Variants in TTLL9 observed in about 807,000 individuals in gnomAD.
TTLL9 encodes probable tubulin polyglutamylase TTLL9.
TTLL9 carries 47 observed loss-of-function variants against 65.6 expected under a neutral mutation model. That is an observed-to-expected ratio of 0.72 (90% CI 0.57 to 0.91). TTLL9 has a LOEUF of 0.91. TTLL9 is among the 40% of genes least tolerant of loss of function. The probability of loss-of-function intolerance (pLI) is 0.00; values close to 1 mark genes in which losing one functional copy is unlikely to be tolerated. For synonymous variants in TTLL9, 179 were observed against 204.8 expected (o/e 0.87, Z 1.07); for missense variants, 537 against 568.8 (o/e 0.94, Z 0.57).
Position 31,943,622 on chromosome 20 carries a change from C to T in TTLL9, c.*601C>T. On this transcript the variant is annotated 3_prime_UTR_variant, in exon 15 of 15. Transcript: ENST00000535842. ...GCATGTCAGGGGAGCCCATGGGGCT[C>T]CCTGACCATCATCTGAAAACCAGTG... 1 of 415,198 alleles carries T rather than the reference C, an allele frequency of 2.4e-6. No homozygotes were observed. Among genetic ancestry groups the T allele is most frequent in the South Asian group, 1.7e-5 (1 of 58,930 alleles). 25.7% of individuals were successfully genotyped at this position (415,198 alleles called of 1,614,324 possible).
chr20:31,927,841 T>C (rs2063934704), intron 10 of TTLL9, among the ~76,000 whole-genome samples: 1 of 152,226 alleles, frequency 6.6e-6, no homozygotes, highest in African/African-American at 2.4e-5. Flanking sequence ...TCTGCATTAA[T>C]TTCCCCATTC....
intron 5 of TTLL9, 103 bp downstream of exon 5, chr20:31,908,805 G>T: frequency 1.1e-6 from 1 of 925,324 alleles, no homozygotes; most frequent in South Asian, 1.5e-5. Flanking sequence ...ATTAGAATGT[G>T]GGATGCAACG....
chr20:31,942,087 C>G (rs544278764), intron 14 of TTLL9, among the ~76,000 whole-genome samples: 6 of 152,182 alleles, frequency 3.9e-5, no homozygotes, highest in African/African-American at 7.2e-5. Flanking sequence ...ATCGTAGGCT[C>G]TCAGCTCAGT....
At chr20:31,920,305 C>A (rs1175789246) in intron 7 of TTLL9, among the ~76,000 whole-genome samples, 1 of 152,114 alleles carries the variant, frequency 6.6e-6, no homozygotes, top group Non-Finnish European at 1.5e-5. Context: ...GCGCTCGATG[C>A]ACGTTCTTTA....
chr20:31,893,291 C>CTT (rs34875132), intron 3 of TTLL9, among the ~76,000 whole-genome samples: 9,178 of 130,042 alleles, frequency 0.071, 483 homozygotes, highest in African/African-American at 0.11. Flanking sequence ...TGTTCTTTTT[C>CTT]TTTTTTTTTT....
At chr20:31,922,866 A>T in intron 7 of TTLL9, 97 bp from the exon 8 acceptor site, 2 of 947,854 alleles carry the variant, frequency 2.1e-6, no homozygotes, top group Middle Eastern at 4.7e-4. Context: ...TGATTTAAAG[A>T]TTCAGTGAGC....
chr20:31,878,027 A>T (rs1219860547), intron 2 of TTLL9, among the ~76,000 whole-genome samples: 2 of 152,222 alleles, frequency 1.3e-5, no homozygotes, highest in East Asian at 3.8e-4. Context: ...TCAAGAACAG[A>T]GCAGGACACA....
chr20:31,895,865 G>C (rs1276521433), intron 3 of TTLL9, among the ~76,000 whole-genome samples: 1 of 142,376 alleles, frequency 7.0e-6, no homozygotes, highest in Non-Finnish European at 1.5e-5. Context: ...ATTGAGACAG[G>C]GTCTCGCTCT....
chr20:31,888,807 C>T (rs2063235952), intron 3 of TTLL9, among the ~76,000 whole-genome samples: 1 of 152,060 alleles, frequency 6.6e-6, no homozygotes, highest in African/African-American at 2.4e-5. Flanking sequence ...AGAGTGGGAA[C>T]AAGGGAGAGG....
chr20:31,904,397 G>A lies in TTLL9; in HGVS notation c.207-4194G>A, dbSNP rs552358815. Among the ~76,000 whole-genome samples, 874 of 116,784 alleles carry A rather than the reference G, an allele frequency of 7.5e-3. 5 individuals carry two copies. The highest frequency in any genetic ancestry group is 9.3e-3 in the Non-Finnish European group (572 of 61,382). 76.6% of individuals were successfully genotyped at this position (116,784 alleles called of 152,430 possible). On this transcript the variant is annotated intron_variant, in intron 4 of 14. Transcript: ENST00000535842. ...TTTTGAGACAGGGTCTCACTCTGCCGCCTAGGCTGGAGTGCAGTGGTACAA... is the reference window on the plus strand; with the variant it reads ...TTTTGAGACAGGGTCTCACTCTGCCACCTAGGCTGGAGTGCAGTGGTACAA...
At chr20:31,910,883 T>C (rs2063636060) in intron 6 of TTLL9, among the ~76,000 whole-genome samples, 1 of 152,060 alleles carries the variant, frequency 6.6e-6, no homozygotes. Context: ...GGCTCAAAAA[T>C]CTGAGTGGGG....
intron 14 of TTLL9, chr20:31,941,049 C>G (rs1353850917): frequency 6.6e-6 from 1 of 151,824 alleles, no homozygotes; most frequent in Non-Finnish European, 1.5e-5. Context: ...AACACTGTCT[C>G]TACTAAAAAA....
chr20:31,886,038 C>T (rs1416490336), intron 2 of TTLL9, among the ~76,000 whole-genome samples: 1 of 152,236 alleles, frequency 6.6e-6, no homozygotes, highest in African/African-American at 2.4e-5. Flanking sequence ...CCCTAGGCAA[C>T]TGAATTCTGC....
intron 2 of TTLL9, among the ~76,000 whole-genome samples, chr20:31,885,756 C>A (rs1407763563): frequency 6.6e-6 from 1 of 152,216 alleles, no homozygotes; most frequent in Non-Finnish European, 1.5e-5. Context: ...TTGTACAATT[C>A]TCTCTCCTTG....
In TTLL9 at chr20:31,894,000, G is replaced by A. The variant is rs77702267; in HGVS notation, c.114-4473G>A. 3.0e-3 allele frequency among the ~76,000 whole-genome samples: 459 copies of A among 151,558 alleles called. 18 individuals carry two copies. In the East Asian group the frequency reaches 0.082, roughly 27 times the overall value. ...TCAATTAGACTGTTTTCAAATGTAC[G>A]GTTTTTCCTTCTCAATGCCTAGTCT... On this transcript the variant is annotated intron_variant, in intron 3 of 14. Transcript: ENST00000535842.
chr20:31,894,775 G>A (rs1383395603), intron 3 of TTLL9, among the ~76,000 whole-genome samples: 1 of 151,702 alleles, frequency 6.6e-6, no homozygotes, highest in Non-Finnish European at 1.5e-5. Context: ...GAGTATGCGA[G>A]CTCCTTCCTC....
intron 4 of TTLL9, among the ~76,000 whole-genome samples, chr20:31,900,728 A>G (rs1339015173): frequency 6.6e-6 from 1 of 152,156 alleles, no homozygotes; most frequent in Non-Finnish European, 1.5e-5. Context: ...GGGTGTCATG[A>G]AAAGTGCTTG....
chr20:31,914,278 C>T, intron 6 of TTLL9, among the ~76,000 whole-genome samples: 1 of 152,182 alleles, frequency 6.6e-6, no homozygotes, highest in Non-Finnish European at 1.5e-5. Flanking sequence ...GAGGGCAAGA[C>T]TTCTGTACTG....
intron 4 of TTLL9, among the ~76,000 whole-genome samples, chr20:31,901,666 C>T (rs1161445830): frequency 6.6e-6 from 1 of 152,210 alleles, no homozygotes; most frequent in Non-Finnish European, 1.5e-5. Flanking sequence ...CTCTTCCCAA[C>T]CTCAGGGCCC....
Sources: gnomAD v4.1 joint callset for allele counts (sites outside exome capture counted in the v4.1 genomes callset) on GRCh38, gnomAD v4.1.1 for gene constraint, MANE v1.5 for transcripts, NCBI Gene and HGNC (gene_info 2026-07-23, HGNC 2026-07-21) for gene names.